MTHFD1L: variants seen among roughly 807,000 people sequenced by gnomAD.
MTHFD1L encodes methylenetetrahydrofolate dehydrogenase (NADP+ dependent) 1 like.
A neutral mutation model predicts 119.5 loss-of-function variants in MTHFD1L; 81 were observed. That is an observed-to-expected ratio of 0.68 (90% CI 0.57 to 0.82). The LOEUF (loss-of-function observed/expected upper bound fraction) is 0.82. MTHFD1L is among the 40% of genes least tolerant of loss of function. The pLI is 0.00. For missense variants in MTHFD1L, 1,125 were observed against 1,253.4 expected (o/e 0.90, Z 1.55); for synonymous variants, 430 against 475.2 (o/e 0.90, Z 1.24).
chr6:150,954,128 C>T (rs1227565664), intron 16 of MTHFD1L, among the ~76,000 whole-genome samples: 2 of 152,146 alleles, frequency 1.3e-5, no homozygotes, highest in African/African-American at 2.4e-5. Context: ...TGGTGCTTTG[C>T]GTATGAAAGA....
chr6:150,972,950 T>C (rs187643738), intron 20 of MTHFD1L, among the ~76,000 whole-genome samples: 1 of 152,222 alleles, frequency 6.6e-6, no homozygotes, highest in African/African-American at 2.4e-5. Context: ...TCATAGAGTT[T>C]ACTAAGTCAG....
At chr6:151,086,475 G>A (rs1047287262) in intron 26 of MTHFD1L, among the ~76,000 whole-genome samples, 1 of 152,112 alleles carries the variant, frequency 6.6e-6, no homozygotes, top group Non-Finnish European at 1.5e-5. Context: ...AGCAATTTTT[G>A]TTGTTTGTTT....
intron 7 of MTHFD1L, chr6:150,898,787 C>T: frequency 2.8e-6 from 1 of 361,972 alleles, no homozygotes; most frequent in Non-Finnish European, 5.2e-6. Flanking sequence ...CTTTCTTAGC[C>T]CCACGTTTGA....
chr6:151,084,835 C>T (rs866960358), intron 26 of MTHFD1L, among the ~76,000 whole-genome samples: 8 of 151,026 alleles, frequency 5.3e-5, no homozygotes, highest in Middle Eastern at 3.4e-3. Context: ...GGCGTGGTGG[C>T]GGGTGCCTGT....
At chr6:150,894,734 G>A (rs1443124665) in intron 7 of MTHFD1L, among the ~76,000 whole-genome samples, 1 of 152,164 alleles carries the variant, frequency 6.6e-6, no homozygotes, top group Non-Finnish European at 1.5e-5. Context: ...TCCTTTCTCT[G>A]TCCGTCTGTC....
At chr6:150,998,995 A>AAAAAAAAAAATGTAT (rs986639098) in intron 20 of MTHFD1L, among the ~76,000 whole-genome samples, 200 of 143,632 alleles carry the variant, frequency 1.4e-3, no homozygotes, top group African/African-American at 4.3e-3. Flanking sequence ...GTCTTAAAAA[A>AAAAAAAAAAATGTAT]ATATATATAC....
chr6:150,957,774 A>G (rs1252080961), intron 17 of MTHFD1L, among the ~76,000 whole-genome samples: 2 of 152,204 alleles, frequency 1.3e-5, no homozygotes, highest in Non-Finnish European at 2.9e-5. Context: ...GAAGTAAAAT[A>G]CTGATATTGT....
intron 10 of MTHFD1L, among the ~76,000 whole-genome samples, chr6:150,925,233 C>A (rs760369526): frequency 6.6e-6 from 1 of 152,136 alleles, no homozygotes; most frequent in Non-Finnish European, 1.5e-5. Flanking sequence ...TCTGATGCAA[C>A]CTTTAAGGGT....
chr6:150,937,649 G>A (rs182996244), intron 12 of MTHFD1L, among the ~76,000 whole-genome samples: 7 of 152,226 alleles, frequency 4.6e-5, no homozygotes, highest in Admixed American at 4.6e-4. Context: ...TGAACACTAG[G>A]GTTGGAGCGA....
intron 27 of MTHFD1L, among the ~76,000 whole-genome samples, chr6:151,094,968 C>T (rs193253233): frequency 6.6e-6 from 1 of 152,296 alleles, no homozygotes; most frequent in African/African-American, 2.4e-5. Flanking sequence ...TGCTAAAACA[C>T]TAAAGACCTA....
At chr6:150,898,130 C>T (rs960829642) in intron 7 of MTHFD1L, among the ~76,000 whole-genome samples, 1 of 152,212 alleles carries the variant, frequency 6.6e-6, no homozygotes, top group African/African-American at 2.4e-5. Context: ...AGGCATGAGC[C>T]ACCGCGCCTG....
At chr6:150,869,124 A>C (rs190161704) in intron 1 of MTHFD1L, among the ~76,000 whole-genome samples, 4 of 152,252 alleles carry the variant, frequency 2.6e-5, no homozygotes, top group Non-Finnish European at 2.9e-5. Flanking sequence ...GCTTTTGCAC[A>C]CTTAATAGAT....
intron 17 of MTHFD1L, among the ~76,000 whole-genome samples, chr6:150,956,774 C>T (rs1255269453): frequency 6.6e-6 from 1 of 152,066 alleles, no homozygotes; most frequent in African/African-American, 2.4e-5. Flanking sequence ...AAAAAAGAGT[C>T]ACCTTACTAT....
chr6:151,060,679 A>G (rs1187821694), intron 26 of MTHFD1L, among the ~76,000 whole-genome samples: 1 of 152,204 alleles, frequency 6.6e-6, no homozygotes, highest in African/African-American at 2.4e-5. Context: ...AGGAGAGAAC[A>G]TTGCTGTAAG....
chr6:150,949,681 C>T (rs1299969347), intron 16 of MTHFD1L, among the ~76,000 whole-genome samples: 2 of 152,172 alleles, frequency 1.3e-5, no homozygotes, highest in African/African-American at 2.4e-5. Context: ...CCCACCACCT[C>T]GACTTCCCTG....
At chr6:151,064,635 G>A (rs1791021287) in intron 26 of MTHFD1L, among the ~76,000 whole-genome samples, 1 of 152,032 alleles carries the variant, frequency 6.6e-6, no homozygotes, top group Non-Finnish European at 1.5e-5. Flanking sequence ...TTTTTAACTT[G>A]TTAGAAATAA....
intron 7 of MTHFD1L, among the ~76,000 whole-genome samples, chr6:150,895,611 TG>T (rs1333490576): frequency 2.6e-5 from 3 of 115,128 alleles, no homozygotes; most frequent in Non-Finnish European, 5.2e-5. Context: ...GGGTTTTTTG[TG>T]GTTTTTTTTT....
Position 151,014,863 on chromosome 6 carries a change from T to G in MTHFD1L, c.2308-17T>G, listed in dbSNP as rs779092623. The stretch of plus-strand genomic sequence containing the variant: ...CAATACACAGGGGTCTGGGTTTTGC[T>G]TTTTTCTTTTTTACAGAACATCCAG... On this transcript the variant is annotated splice_polypyrimidine_tract_variant and intron_variant, in intron 22 of 27. Transcript: ENST00000367321. The G allele has an allele frequency of 1.2e-6, 2 of 1,611,984 alleles. No individual in the cohort carries two copies. Among genetic ancestry groups the G allele is most frequent in the South Asian group, 2.2e-5 (2 of 90,778 alleles).
intron 11 of MTHFD1L, among the ~76,000 whole-genome samples, chr6:150,931,771 G>A (rs1297180024): frequency 6.6e-6 from 1 of 152,160 alleles, no homozygotes; most frequent in South Asian, 2.1e-4. Flanking sequence ...TGACCTTTGA[G>A]TAAATTATAA....
Sources: gnomAD v4.1 joint callset for allele counts (sites outside exome capture counted in the v4.1 genomes callset) on GRCh38, gnomAD v4.1.1 for gene constraint, MANE v1.5 for transcripts, NCBI Gene and HGNC (gene_info 2026-07-23, HGNC 2026-07-21) for gene names.